The following ARL5A variants were observed in gnomAD, a reference collection of about 807,000 sequenced individuals.
ARL5A encodes the protein ADP-ribosylation factor-like protein 5A.
Under a neutral mutation model 25.9 loss-of-function variants are expected in ARL5A, and 18 were observed. The ratio of observed to expected loss-of-function variants is 0.69; its 90% CI spans 0.48 to 1.03. The LOEUF (loss-of-function observed/expected upper bound fraction) is 1.03, where lower values mean the gene tolerates loss of function less well. Ranked by LOEUF, ARL5A falls within the 50% of genes least tolerant of loss-of-function variation. The pLI is 0.00. For synonymous variants in ARL5A, 61 were observed against 67.5 expected (o/e 0.90, Z 0.47); for missense variants, 170 against 211.9 (o/e 0.80, Z 1.23).
chr2:151,815,227 T>C, intron 1 of ARL5A, 28 bp from the exon 2 acceptor site: 1 of 1,563,974 alleles, frequency 6.4e-7, no homozygotes, highest in South Asian at 1.2e-5. Flanking sequence ...CCAGTGATTT[T>C]TTTTCAAAAA....
At chr2:151,814,123 C>T (rs2099831189) in intron 3 of ARL5A, 46 bp downstream of exon 3, 11 of 1,486,418 alleles carry the variant, frequency 7.4e-6, no homozygotes, top group Non-Finnish European at 9.0e-6. Context: ...TAGATGTTTT[C>T]CAAGCATTCT....
intron 4 of ARL5A, chr2:151,810,597 T>G (rs1368040630): frequency 2.3e-6 from 1 of 436,508 alleles, no homozygotes; most frequent in Middle Eastern, 3.3e-4. Flanking sequence ...ATACTCAAGT[T>G]CAAAACCTGG....
At position 151,828,376 on chromosome 2, in the gene ARL5A, C is replaced by T; in HGVS notation, c.-200G>A. ...CGCGCGCAAGGCCCCGCCGCTGCCG[C>T]CGCGGCACTCGCCTGGCTCGCGGAC... On this transcript the variant is annotated 5_prime_UTR_variant, in exon 1 of 6. Transcript: ENST00000295087. 2.2e-6 allele frequency: 1 copy of T among 458,130 alleles called. No individual in the cohort carries two copies. Among genetic ancestry groups the T allele is most frequent in the Non-Finnish European group, 3.8e-6 (1 of 262,302 alleles). 28.4% of individuals were successfully genotyped at this position (458,130 alleles called of 1,614,324 possible).
chr2:151,813,510 T>C (rs2099831123), intron 3 of ARL5A, among the ~76,000 whole-genome samples: 1 of 152,224 alleles, frequency 6.6e-6, no homozygotes, highest in Admixed American at 6.5e-5. Flanking sequence ...CCTAATGCAG[T>C]GTTAGGAAAT....
intron 1 of ARL5A, among the ~76,000 whole-genome samples, chr2:151,816,305 A>G (rs568886029): frequency 6.6e-6 from 1 of 152,226 alleles, no homozygotes; most frequent in Non-Finnish European, 1.5e-5. Context: ...TGATAGACAG[A>G]CAAATAAAGA....
intron 5 of ARL5A, among the ~76,000 whole-genome samples, 172 bp downstream of exon 5, chr2:151,806,649 A>C (rs924213698): frequency 6.6e-6 from 1 of 152,180 alleles, no homozygotes; most frequent in Non-Finnish European, 1.5e-5. Context: ...TTGTTTTACT[A>C]TTTACAGAAC....
At chr2:151,817,970 C>G (rs1262123116) in intron 1 of ARL5A, among the ~76,000 whole-genome samples, 1 of 152,212 alleles carries the variant, frequency 6.6e-6, no homozygotes, top group African/African-American at 2.4e-5. Context: ...CATGCCATTA[C>G]ACTCCAGCCT....
intron 3 of ARL5A, among the ~76,000 whole-genome samples, chr2:151,813,707 T>A (rs2151294364): frequency 6.6e-6 from 1 of 152,258 alleles, no homozygotes; most frequent in Non-Finnish European, 1.5e-5. Context: ...GGAAATAATG[T>A]GTAAATAAAA....
chr2:151,799,842 A>G lies in ARL5A; in HGVS notation c.*3434T>C, dbSNP rs1204840176. 1 of 152,226 alleles carries G rather than the reference A, an allele frequency of 6.6e-6. No homozygotes were observed. Among genetic ancestry groups the G allele is most frequent in the Non-Finnish European group, 1.5e-5 (1 of 68,034 alleles). 9.4% of individuals were successfully genotyped at this position (152,226 alleles called of 1,614,324 possible). A position where few individuals can be genotyped will look rare whatever the true frequency, so the allele number is the denominator to read the frequency against. The stretch of plus-strand genomic sequence containing the variant: ...ATTGTCTATAACAATAGTTACAAAG[A>G]AAGTTTAGAATAACCTCCAGGACAG... On this transcript the variant is annotated 3_prime_UTR_variant, in exon 6 of 6. Transcript: ENST00000295087.
chr2:151,817,312 T>C (rs1345839223), intron 1 of ARL5A, among the ~76,000 whole-genome samples: 1 of 152,252 alleles, frequency 6.6e-6, no homozygotes, highest in Admixed American at 6.5e-5. Context: ...TAATGAGGCA[T>C]CTTCAACTGT....
intron 1 of ARL5A, among the ~76,000 whole-genome samples, chr2:151,816,403 G>A (rs545251880): frequency 4.6e-5 from 7 of 152,278 alleles, no homozygotes; most frequent in African/African-American, 1.7e-4. Flanking sequence ...GACTCCCCAA[G>A]GTAGAACTTC....
At chr2:151,808,931 T>C (rs1197290788) in intron 4 of ARL5A, among the ~76,000 whole-genome samples, 1 of 152,108 alleles carries the variant, frequency 6.6e-6, no homozygotes, top group African/African-American at 2.4e-5. Flanking sequence ...ACCTGTACTC[T>C]CAGCTACTTG....
At chr2:151,824,203 C>A (rs915588657) in intron 1 of ARL5A, among the ~76,000 whole-genome samples, 3 of 152,192 alleles carry the variant, frequency 2.0e-5, no homozygotes, top group Admixed American at 2.0e-4. Context: ...AGATATTCAA[C>A]CTTTATTATA....
intron 1 of ARL5A, among the ~76,000 whole-genome samples, chr2:151,817,314 T>C (rs927957344): frequency 6.6e-6 from 1 of 152,248 alleles, no homozygotes; most frequent in Non-Finnish European, 1.5e-5. Context: ...ATGAGGCATC[T>C]TCAACTGTAT....
intron 1 of ARL5A, among the ~76,000 whole-genome samples, chr2:151,817,527 T>A (rs982623276): frequency 5.9e-5 from 9 of 152,220 alleles, no homozygotes; most frequent in Non-Finnish European, 1.2e-4. Context: ...TTCCTAATGA[T>A]CTATAGGCAC....
At chr2:151,812,579 A>G in intron 3 of ARL5A, 139 bp from the exon 4 acceptor site, 1 of 517,946 alleles carries the variant, frequency 1.9e-6, no homozygotes, top group South Asian at 3.7e-5. Flanking sequence ...AGAGCTACCT[A>G]TACATTGTGA....
chr2:151,812,455 A>T lies in ARL5A; in HGVS notation c.256-15T>A. ...ACTATTACAAACTAAAATAATTACA[A>T]AAAAATTATTAGTGATTATACAATT... is the stretch of plus-strand genomic sequence containing the variant. On this transcript the variant is annotated splice_polypyrimidine_tract_variant and intron_variant, in intron 3 of 5. Transcript: ENST00000295087. 1 of 1,508,360 alleles carries T rather than the reference A, an allele frequency of 6.6e-7. No homozygotes were observed. The highest frequency in any genetic ancestry group is 9.0e-7 in the Non-Finnish European group (1 of 1,110,520). 93.4% of individuals were successfully genotyped at this position (1,508,360 alleles called of 1,614,324 possible).
intron 1 of ARL5A, among the ~76,000 whole-genome samples, chr2:151,820,986 C>T (rs1578381243): frequency 6.6e-6 from 1 of 152,132 alleles, no homozygotes; most frequent in East Asian, 1.9e-4. Context: ...TAACTAAATC[C>T]AGGTAAGATC....
intron 1 of ARL5A, among the ~76,000 whole-genome samples, chr2:151,816,785 ACT>A (rs1200720325): frequency 6.6e-6 from 1 of 152,168 alleles, no homozygotes; most frequent in African/African-American, 2.4e-5. Context: ...CTAGTACAAC[ACT>A]CTCAAGACAC....
Sources: allele counts gnomAD v4.1 joint callset (sites outside exome capture counted in the v4.1 genomes callset), GRCh38; gene constraint gnomAD v4.1.1; transcripts MANE v1.5; gene names NCBI Gene and HGNC (gene_info 2026-07-23, HGNC 2026-07-21).